DGKB: variants seen among roughly 807,000 people sequenced by gnomAD.
DGKB encodes 90 kDa diacylglycerol kinase.
DGKB carries 67 observed loss-of-function variants against 114.3 expected under a neutral mutation model. The ratio of observed to expected loss-of-function variants is 0.59; its 90% confidence interval spans 0.48 to 0.72. DGKB has a LOEUF of 0.72. DGKB is among the 30% of genes least tolerant of loss of function. The pLI is 0.00. For synonymous variants in DGKB, 398 were observed against 323.1 expected (o/e 1.23, Z -2.49); for missense variants, 907 against 975.2 (o/e 0.93, Z 0.93).
chr7:14,622,302 T>C (rs1180236022), intron 14 of DGKB, among the ~76,000 whole-genome samples: 1 of 152,152 alleles, frequency 6.6e-6, no homozygotes. Flanking sequence ...TAGTCTCTTT[T>C]GCCCATTGCT....
intron 1 of DGKB, among the ~76,000 whole-genome samples, chr7:14,908,592 A>C (rs763381778): frequency 2.2e-4 from 34 of 152,196 alleles, no homozygotes; most frequent in Non-Finnish European, 4.0e-4. Flanking sequence ...TTAGAGAAGA[A>C]TGCCTTAAGA....
rs1562634336 is a variant in DGKB at position 14,212,418 on chromosome 7, G to GTTTTGTGATTTTACTCTCA, written c.2123-34268_2123-34267insTGAGAGTAAAATCACAAAA. Among the ~76,000 whole-genome samples, 14 of 16,844 alleles carry GTTTTGTGATTTTACTCTCA rather than the reference G, an allele frequency of 8.3e-4. 5 individuals carry two copies. Among genetic ancestry groups the GTTTTGTGATTTTACTCTCA allele is most frequent in the East Asian group, 5.9e-3 (3 of 510 alleles). The allele number at this position is 16,844 out of a possible 152,430, so 11.1% of individuals were successfully genotyped here. Reference sequence around the variant, plus strand: ...TCTCATGTTTTGTGATTTTACTCTCGTGTTTTGTGATATTTACTCTCATGT... The same window carrying GTTTTGTGATTTTACTCTCA: ...TCTCATGTTTTGTGATTTTACTCTCGTTTTGTGATTTTACTCTCATGTTTTGTGATATTTACTCTCATGT... On this transcript the variant is annotated intron_variant, in intron 23 of 25. Transcript: ENST00000402815.
At chr7:14,894,431 T>A (rs112314843) in intron 1 of DGKB, among the ~76,000 whole-genome samples, 2 of 151,532 alleles carry the variant, frequency 1.3e-5, no homozygotes, top group African/African-American at 4.8e-5. Context: ...TAATGTAGCT[T>A]TGAAACTTCT....
At chr7:14,593,435 T>C (rs1224072420) in intron 17 of DGKB, among the ~76,000 whole-genome samples, 1 of 152,078 alleles carries the variant, frequency 6.6e-6, no homozygotes, top group East Asian at 1.9e-4. Flanking sequence ...TGTACATGTT[T>C]CTTTAAAAAT....
At chr7:14,715,256 GAC>G (rs2128342107) in intron 6 of DGKB, among the ~76,000 whole-genome samples, 1 of 152,290 alleles carries the variant, frequency 6.6e-6, no homozygotes, top group Non-Finnish European at 1.5e-5. Flanking sequence ...AAGTAAAATT[GAC>G]AGTTTAGTTT....
At chr7:14,505,940 T>C (rs1338153425) in intron 20 of DGKB, among the ~76,000 whole-genome samples, 1 of 152,200 alleles carries the variant, frequency 6.6e-6, no homozygotes, top group African/African-American at 2.4e-5. Context: ...TTCTCATTTT[T>C]ATTCATACCC....
At chr7:14,951,228 C>G (rs1237602911) in intron 1 of DGKB, among the ~76,000 whole-genome samples, 1 of 151,986 alleles carries the variant, frequency 6.6e-6, no homozygotes, top group Non-Finnish European at 1.5e-5. Flanking sequence ...CTACTCCACA[C>G]AAAATCCTTC....
chr7:14,635,384 A>G (rs2071106164), intron 13 of DGKB, among the ~76,000 whole-genome samples: 1 of 99,914 alleles, frequency 1.0e-5, no homozygotes, highest in Non-Finnish European at 2.0e-5. Flanking sequence ...GAGGGTAGAA[A>G]ACATATCAAA....
intron 23 of DGKB, among the ~76,000 whole-genome samples, chr7:14,329,098 TA>T (rs1196377005): frequency 6.6e-6 from 1 of 151,906 alleles, no homozygotes. Flanking sequence ...CTCTATATAA[TA>T]AAAGAGTATA....
intron 17 of DGKB, among the ~76,000 whole-genome samples, chr7:14,596,385 C>T (rs1168800301): frequency 2.0e-5 from 3 of 152,160 alleles, no homozygotes; most frequent in South Asian, 2.1e-4. Flanking sequence ...CCCTACTATA[C>T]ACATATTCTG....
At chr7:14,577,429 A>T (rs779771742) in intron 19 of DGKB, among the ~76,000 whole-genome samples, 5 of 152,170 alleles carry the variant, frequency 3.3e-5, no homozygotes, top group East Asian at 3.9e-4. Flanking sequence ...CATTCTGGCT[A>T]ACACGGTGAA....
At chr7:14,895,783 C>T (rs1782004561) in intron 1 of DGKB, among the ~76,000 whole-genome samples, 2 of 151,708 alleles carry the variant, frequency 1.3e-5, no homozygotes, top group Admixed American at 1.3e-4. Context: ...TCTTAGACTT[C>T]CCAGAACTAG....
At chr7:14,533,414 G>A (rs1201317629) in intron 20 of DGKB, among the ~76,000 whole-genome samples, 3 of 151,730 alleles carry the variant, frequency 2.0e-5, no homozygotes, top group Non-Finnish European at 4.4e-5. Flanking sequence ...ATACCACCGT[G>A]TGAAACAATA....
intron 23 of DGKB, among the ~76,000 whole-genome samples, chr7:14,228,107 G>A (rs1791110486): frequency 6.6e-6 from 1 of 151,868 alleles, no homozygotes; most frequent in African/African-American, 2.4e-5. Context: ...TGACGATGAG[G>A]GTTATTATAT....
At chr7:14,429,566 C>T (rs1828106169) in intron 21 of DGKB, among the ~76,000 whole-genome samples, 1 of 152,128 alleles carries the variant, frequency 6.6e-6, no homozygotes, top group Non-Finnish European at 1.5e-5. Context: ...GAAGATATAT[C>T]TGAAGAGTCT....
In DGKB at chr7:14,471,843, A is replaced by T. The variant is rs576662071; in HGVS notation, c.1835+6318T>A. Among the ~76,000 whole-genome samples the T allele has an allele frequency of 3.3e-5, 5 of 152,242 alleles. No homozygotes were observed. The South Asian group carries it at 8.3e-4, about 25-fold the overall frequency. On this transcript the variant is annotated intron_variant, in intron 21 of 25. Transcript: ENST00000402815. ...TAAATAACTTACAGAATAAATACCT[A>T]TTGAGTACACAGTATGTTCCACAAA...
intron 9 of DGKB, among the ~76,000 whole-genome samples, chr7:14,689,196 C>CTTTTTTTT (rs1554599070): frequency 3.0e-4 from 24 of 80,278 alleles, no homozygotes; most frequent in African/African-American, 1.1e-3. Flanking sequence ...AGAAACTCCT[C>CTTTTTTTT]TTATTTTTTT....
chr7:14,616,033 A>G (rs1362267491), intron 15 of DGKB, among the ~76,000 whole-genome samples: 1 of 150,822 alleles, frequency 6.6e-6, no homozygotes, highest in Non-Finnish European at 1.5e-5. Context: ...TAATATTTTT[A>G]TTTTTTTGAA....
intron 4 of DGKB, among the ~76,000 whole-genome samples, chr7:14,742,419 G>A (rs555303645): frequency 6.6e-6 from 1 of 152,260 alleles, no homozygotes; most frequent in African/African-American, 2.4e-5. Context: ...ACAAGCTGTA[G>A]TAACTTTTAG....
Sources: allele counts gnomAD v4.1 joint callset (sites outside exome capture counted in the v4.1 genomes callset), GRCh38; gene constraint gnomAD v4.1.1; transcripts MANE v1.5; gene names NCBI Gene and HGNC (gene_info 2026-07-23, HGNC 2026-07-21).